Variants in DDX60L observed in about 807,000 individuals in gnomAD.
DDX60L encodes probable ATP-dependent RNA helicase DDX60-like.
Under a neutral mutation model 211.6 loss-of-function variants are expected in DDX60L, and 191 were observed. The ratio of observed to expected loss-of-function variants is 0.90; its 90% confidence interval spans 0.80 to 1.02. The LOEUF is 1.02. Among genes scored for constraint, DDX60L ranks in the 50% least tolerant of loss-of-function variants. The probability of loss-of-function intolerance (pLI) is 0.00; values close to 1 mark genes in which losing one functional copy is unlikely to be tolerated. For missense variants in DDX60L, 2,007 were observed against 1,984.1 expected (o/e 1.01, Z -0.22); for synonymous variants, 706 against 694.1 (o/e 1.02, Z -0.27).
intron 36 of DDX60L, among the ~76,000 whole-genome samples, chr4:168,368,629 T>A (rs1178869615): frequency 6.6e-6 from 1 of 152,162 alleles, no homozygotes. Context: ...ACTGAAAGCT[T>A]GCACTGTGCA....
intron 9 of DDX60L, 125 bp from the exon 10 acceptor site, chr4:168,441,617 G>C (rs561510452): frequency 2.8e-6 from 2 of 724,388 alleles, no homozygotes; most frequent in African/African-American, 3.5e-5. Context: ...CTTACAGTGA[G>C]TTACACAATA....
Position 168,379,750 on chromosome 4 carries a change from A to G in DDX60L, c.4197T>C (p.Phe1399=). 6.2e-7 allele frequency: 1 copy of G among 1,613,248 alleles called. No individual in the cohort carries two copies. The highest frequency in any genetic ancestry group is 8.5e-7 in the Non-Finnish European group (1 of 1,179,468). Residue 1399 remains phenylalanine, a synonymous_variant, in exon 31 of 38, where the codon TTT becomes TTC. Transcript: ENST00000682922. ...AMETLKLYFL[F]SLQLLIKEDY... is the part of the protein sequence containing the mutation. ...CCTCTTTGATAAGGAGCTGCAAGGA[A>G]AACAAAAAGTAAAGTTTCAAAGTCT...
intron 19 of DDX60L, among the ~76,000 whole-genome samples, chr4:168,417,489 C>G (rs568867601): frequency 6.6e-6 from 1 of 152,356 alleles, no homozygotes; most frequent in South Asian, 2.1e-4. Flanking sequence ...GTCATTGCCT[C>G]AGAAACACCT....
In DDX60L at chr4:168,471,893, C is replaced by T. The variant is rs763495955; in HGVS notation, c.118G>A (p.Val40Met). Residue 40 changes from valine to methionine, a missense_variant, in exon 4 of 38, where the codon GTG becomes ATG. Val to Met is a conservative substitution (Grantham distance 21). Transcript: ENST00000682922. Reference sequence around the variant, plus strand: ...ACAAGCAAGGAATCTCCATCAATCACAAAAAAATTAGATTCCACAAAATCA... The same window carrying T: ...ACAAGCAAGGAATCTCCATCAATCATAAAAAAATTAGATTCCACAAAATCA... ...LNDFVESNFF[V>M]IDGDSLLVTC... 7 of 1,608,276 alleles carry T rather than the reference C, an allele frequency of 4.4e-6. No homozygotes were observed. The Admixed American group carries it at 1.2e-4, about 28-fold the overall frequency.
intron 22 of DDX60L, among the ~76,000 whole-genome samples, chr4:168,410,807 T>G (rs1479683689): frequency 6.6e-6 from 1 of 152,208 alleles, no homozygotes; most frequent in African/African-American, 2.4e-5. Context: ...AGGAAATGTC[T>G]CTTCCCTGTT....
intron 37 of DDX60L, among the ~76,000 whole-genome samples, 165 bp downstream of exon 37, chr4:168,360,984 G>T (rs1202824152): frequency 6.6e-6 from 1 of 152,206 alleles, no homozygotes; most frequent in Admixed American, 6.5e-5. Flanking sequence ...TGAGGAATGG[G>T]TCTACAGAGC....
At chr4:168,468,456 A>G (rs1758315405) in intron 4 of DDX60L, among the ~76,000 whole-genome samples, 3 of 152,152 alleles carry the variant, frequency 2.0e-5, no homozygotes. Flanking sequence ...TTAATTATAG[A>G]AACTCTCAGA....
At chr4:168,382,919 C>T (rs1743215902) in intron 30 of DDX60L, among the ~76,000 whole-genome samples, 1 of 152,144 alleles carries the variant, frequency 6.6e-6, no homozygotes, top group Non-Finnish European at 1.5e-5. Context: ...TAATAGCTAG[C>T]ATTTATGTGT....
At chr4:168,421,461 C>T (rs570007847) in intron 17 of DDX60L, among the ~76,000 whole-genome samples, 1 of 152,112 alleles carries the variant, frequency 6.6e-6, no homozygotes, top group South Asian at 2.1e-4. Context: ...TCAAGACCAG[C>T]CTAGCCAACA....
chr4:168,430,534 T>C lies in DDX60L; in HGVS notation c.1621A>G (p.Thr541Ala). ...LESISTKVIV[T>A]QTTRPKEDSS... The stretch of plus-strand genomic sequence containing the variant: ...TCCTCCTTTGGCCGAGTAGTTTGAG[T>C]CACAATGACTTTCGTAGAGATTGAT... Residue 541 changes from threonine (T) to alanine (A), a missense_variant, in exon 13 of 38, where the codon ACT becomes GCT. Physicochemically the swap from Thr to Ala is moderately conservative, Grantham distance 58 (BLOSUM62 0). Transcript: ENST00000682922. 6.2e-7 allele frequency: 1 copy of C among 1,610,838 alleles called. No individual in the cohort carries two copies. The highest frequency in any genetic ancestry group is 8.5e-7 in the Non-Finnish European group (1 of 1,178,656).
In DDX60L at chr4:168,462,048, G is replaced by A. The variant is rs1315972165; in HGVS notation, c.265-8C>T. On this transcript the variant is annotated splice_polypyrimidine_tract_variant and splice_region_variant and intron_variant, in intron 4 of 37. Coordinates refer to ENST00000682922, the MANE Select transcript of DDX60L (RefSeq NM_001012967.3). Reference sequence around the variant, plus strand: ...ATATGCATATTCAGCATCCTGTGGTGAGAAAAAGAAACAAGCACATCATTT... The same window carrying A: ...ATATGCATATTCAGCATCCTGTGGTAAGAAAAAGAAACAAGCACATCATTT... The A allele has an allele frequency of 1.3e-6, 2 of 1,559,438 alleles. No individual in the cohort carries two copies. The highest frequency in any genetic ancestry group is 1.7e-6 in the Non-Finnish European group (2 of 1,148,760).
chr4:168,384,096 T>C (rs1481008218), intron 30 of DDX60L, among the ~76,000 whole-genome samples: 1 of 152,204 alleles, frequency 6.6e-6, no homozygotes, highest in Non-Finnish European at 1.5e-5. Flanking sequence ...AGACTCCAAG[T>C]TCTTTCATTT....
intron 5 of DDX60L, among the ~76,000 whole-genome samples, chr4:168,460,258 A>T (rs1757143912): frequency 6.6e-6 from 1 of 152,250 alleles, no homozygotes; most frequent in Admixed American, 6.5e-5. Context: ...TAAATACTGC[A>T]TAAACCTAAT....
chr4:168,411,173 T>C (rs1351495377), intron 22 of DDX60L, among the ~76,000 whole-genome samples: 3 of 152,210 alleles, frequency 2.0e-5, no homozygotes, highest in Non-Finnish European at 4.4e-5. Flanking sequence ...GATGGCCTAA[T>C]AGAAGCCTCC....
chr4:168,430,501 C>T lies in DDX60L; in HGVS notation c.1654G>A (p.Gly552Ser). 1.9e-6 allele frequency: 3 copies of T among 1,603,794 alleles called. No homozygotes were observed. Among genetic ancestry groups the T allele is most frequent in the Non-Finnish European group, 2.5e-6 (3 of 1,176,704 alleles). The change falls in exon 13 of 38, where the codon GGT becomes AGT. Residue 552 changes from glycine to serine, a missense_variant. Physicochemically the swap from Gly to Ser is moderately conservative, Grantham distance 56 (BLOSUM62 0). Transcript: ENST00000682922. ...ACCTGTAATATTTCACCACTGGCAC[C>T]ACTGGAATCCTCCTTTGGCCGAGTA... ...QTTRPKEDSSGASGEILQNTK... is the reference protein window; with the variant it reads ...QTTRPKEDSSSASGEILQNTK...
chr4:168,368,132 C>T lies in DDX60L; in HGVS notation c.4928+3480G>A, dbSNP rs149820065. Among the ~76,000 whole-genome samples the T allele has an allele frequency of 3.8e-3, 580 of 152,320 alleles. 1 individual carries two copies. Among genetic ancestry groups the T allele is most frequent in the Middle Eastern group, 0.01 (3 of 294 alleles). On this transcript the variant is annotated intron_variant, in intron 36 of 37. Coordinates refer to ENST00000682922, the MANE Select transcript of DDX60L (RefSeq NM_001012967.3). The stretch of plus-strand genomic sequence containing the variant: ...CCCAAGACAACGGGGTAAATGTCTC[C>T]AGGATGTGGCAGAGGTCTTCATGGC...
intron 29 of DDX60L, 72 bp downstream of exon 29, chr4:168,391,461 TTACCAGA>T (rs1317617373): frequency 6.5e-6 from 6 of 923,088 alleles, no homozygotes; most frequent in African/African-American, 1.6e-5. Context: ...CCGTAGCCTG[TTACCAGA>T]TGTGAGTGCC....
chr4:168,398,617 C>T (rs889252687), intron 26 of DDX60L, among the ~76,000 whole-genome samples: 36 of 152,210 alleles, frequency 2.4e-4, no homozygotes, highest in Admixed American at 1.1e-3. Context: ...GGGAACTTAA[C>T]GGTGCTTTCT....
At chr4:168,363,435 C>T (rs191038361) in intron 36 of DDX60L, among the ~76,000 whole-genome samples, 19 of 152,248 alleles carry the variant, frequency 1.2e-4, no homozygotes, top group African/African-American at 2.9e-4. Flanking sequence ...CTGGGTGCTA[C>T]GGAAATCCTT....
Sources: allele counts gnomAD v4.1 joint callset (sites outside exome capture counted in the v4.1 genomes callset), GRCh38; gene constraint gnomAD v4.1.1; transcripts MANE v1.5; gene names NCBI Gene and HGNC (gene_info 2026-07-23, HGNC 2026-07-21).